The following SULF1 variants were observed in gnomAD, a reference collection of about 807,000 sequenced individuals.
SULF1 encodes extracellular sulfatase Sulf-1.
In SULF1, 46 loss-of-function variants were observed where a neutral mutation model predicts 110.5. The observed-to-expected ratio is 0.42, with a 90% CI of 0.33 to 0.53. The LOEUF (loss-of-function observed/expected upper bound fraction) is 0.53, where lower values mean the gene tolerates loss of function less well. Ranked by LOEUF, SULF1 falls within the 20% of genes least tolerant of loss-of-function variation. SULF1 has a pLI of 0.12. For missense variants in SULF1, 941 were observed against 1,094.2 expected, an observed-to-expected ratio of 0.86 and a Z score of 1.98; for synonymous variants, 371 against 387.1, an observed-to-expected ratio of 0.96 and a Z score of 0.49.
intron 3 of SULF1, among the ~76,000 whole-genome samples, chr8:69,519,130 G>A (rs1318220682): frequency 6.6e-6 from 1 of 152,108 alleles, no homozygotes; most frequent in East Asian, 1.9e-4. Context: ...ATGGCAGGAG[G>A]ACCAGTCTGG....
rs969544518 is a variant in SULF1 at position 69,493,030 on chromosome 8, G to C, written c.-486G>C. The C allele has an allele frequency of 6.6e-6, 1 of 152,618 alleles. No homozygotes were observed. The highest frequency in any genetic ancestry group is 6.5e-5 in the Admixed American group (1 of 15,284). The allele number at this position is 152,618 out of a possible 1,614,324, so 9.5% of individuals were successfully genotyped here. A position where few individuals can be genotyped will look rare whatever the true frequency, so the allele number is the denominator to read the frequency against. Reference sequence around the variant, plus strand: ...GGAACATGACTCTCCCCCTTCGGAGGAGGAAGGAAGTCCCGCTGCCACCTT... The same window carrying C: ...GGAACATGACTCTCCCCCTTCGGAGCAGGAAGGAAGTCCCGCTGCCACCTT... On this transcript the variant is annotated 5_prime_UTR_variant, in exon 1 of 23. Transcript: ENST00000402687.
intron 13 of SULF1, among the ~76,000 whole-genome samples, chr8:69,616,709 T>G (rs1433147397): frequency 4.7e-5 from 7 of 150,150 alleles, no homozygotes; most frequent in Non-Finnish European, 7.4e-5. Context: ...GCCGTTTTTT[T>G]TTTTTTTTTT....
chr8:69,630,275 C>T (rs893795158), intron 19 of SULF1, among the ~76,000 whole-genome samples: 1 of 152,190 alleles, frequency 6.6e-6, no homozygotes, highest in Non-Finnish European at 1.5e-5. Flanking sequence ...TCTTTAGTGG[C>T]CTGTGCACAT....
At chr8:69,561,137 C>CA (rs1176879140) in intron 3 of SULF1, among the ~76,000 whole-genome samples, 3 of 151,442 alleles carry the variant, frequency 2.0e-5, no homozygotes, top group Non-Finnish European at 4.4e-5. Context: ...GTTATCACTA[C>CA]AAAAAAAATG....
rs115896801 is a variant in SULF1 at position 69,555,089 on chromosome 8, A to G, written c.-133-8450A>G. On this transcript the variant is annotated intron_variant, in intron 3 of 22. Transcript: ENST00000402687. ...GCAAAGGCATTGGCTTTAATAGGAT[A>G]TTTGATTTTTTTAAGGTTCTCCTGT... Among the ~76,000 whole-genome samples the G allele has an allele frequency of 8.5e-4, 128 of 150,106 alleles. 1 individual carries two copies. The highest frequency in any genetic ancestry group is 3.4e-3 in the Middle Eastern group (1 of 290).
In SULF1 at chr8:69,510,620, G is replaced by T. The variant is rs200562928; in HGVS notation, c.-134+8652G>T. On this transcript the variant is annotated intron_variant, in intron 3 of 22. Coordinates refer to ENST00000402687, the MANE Select transcript of SULF1 (RefSeq NM_001128205.2). ...TGGGTTTTTTGGTGGGTTTTTTTTT[G>T]TTTTTTTTTTTTTTGAGACAAAGTC... Among the ~76,000 whole-genome samples, 924 of 131,070 alleles carry T rather than the reference G, an allele frequency of 7.0e-3. 11 individuals carry two copies. Among genetic ancestry groups the T allele is most frequent in the Admixed American group, 0.043 (569 of 13,264 alleles). 86.0% of individuals were successfully genotyped at this position (131,070 alleles called of 152,430 possible).
chr8:69,587,975 G>A (rs943746318), intron 7 of SULF1, among the ~76,000 whole-genome samples: 6 of 152,122 alleles, frequency 3.9e-5, no homozygotes, highest in South Asian at 2.1e-4. Context: ...AATGACATGC[G>A]GCACACACCA....
At chr8:69,629,308 A>G (rs1012459883) in intron 18 of SULF1, among the ~76,000 whole-genome samples, 196 bp from the exon 19 acceptor site, 1 of 152,174 alleles carries the variant, frequency 6.6e-6, no homozygotes, top group African/African-American at 2.4e-5. Flanking sequence ...TGCTGGGATT[A>G]CAGGTGCAAG....
intron 21 of SULF1, among the ~76,000 whole-genome samples, chr8:69,639,733 G>C (rs12155545): frequency 0.041 from 6,266 of 152,272 alleles, 203 homozygotes; most frequent in South Asian, 0.14. Flanking sequence ...TGTGAGTCTG[G>C]TGCAGAGCCA....
chr8:69,571,272 C>T (rs1417148924), intron 5 of SULF1, among the ~76,000 whole-genome samples: 2 of 152,132 alleles, frequency 1.3e-5, no homozygotes, highest in Non-Finnish European at 2.9e-5. Context: ...ACAGCCACCT[C>T]GGCACACTCC....
chr8:69,552,917 T>A (rs1008131594), intron 3 of SULF1, among the ~76,000 whole-genome samples: 2 of 152,188 alleles, frequency 1.3e-5, no homozygotes, highest in Admixed American at 1.3e-4. Context: ...AAGGGAGAAT[T>A]TCCTAATCTT....
At chr8:69,541,259 C>A (rs1813834457) in intron 3 of SULF1, among the ~76,000 whole-genome samples, 1 of 152,160 alleles carries the variant, frequency 6.6e-6, no homozygotes. Context: ...TGGAATGGCC[C>A]TGCTTGTGAG....
At chr8:69,547,807 G>A (rs1361305786) in intron 3 of SULF1, among the ~76,000 whole-genome samples, 1 of 152,088 alleles carries the variant, frequency 6.6e-6, no homozygotes, top group East Asian at 1.9e-4. Flanking sequence ...GCCTTATACA[G>A]GTGCTCAACA....
intron 13 of SULF1, among the ~76,000 whole-genome samples, chr8:69,612,181 T>C (rs1224190459): frequency 6.6e-6 from 1 of 152,206 alleles, no homozygotes; most frequent in African/African-American, 2.4e-5. Flanking sequence ...ACACATTATT[T>C]TGTTCCTTTT....
chr8:69,557,266 A>T (rs1298226896), intron 3 of SULF1, among the ~76,000 whole-genome samples: 1 of 152,184 alleles, frequency 6.6e-6, no homozygotes, highest in Admixed American at 6.5e-5. Flanking sequence ...GTCACCAATG[A>T]CCATTATTAG....
chr8:69,652,734 T>C (rs770086908), intron 22 of SULF1, among the ~76,000 whole-genome samples: 3 of 152,220 alleles, frequency 2.0e-5, no homozygotes, highest in Non-Finnish European at 2.9e-5. Flanking sequence ...CCTTCAAAGG[T>C]GGCCAACTGC....
At chr8:69,519,103 C>G (rs969475843) in intron 3 of SULF1, among the ~76,000 whole-genome samples, 1 of 152,102 alleles carries the variant, frequency 6.6e-6, no homozygotes. Flanking sequence ...GTCATTTGTC[C>G]AGTTTTCTGG....
At chr8:69,609,295 G>A (rs1233357813) in intron 13 of SULF1, among the ~76,000 whole-genome samples, 5 of 152,214 alleles carry the variant, frequency 3.3e-5, no homozygotes, top group East Asian at 1.9e-4. Flanking sequence ...GCAGTGAGCC[G>A]TGATCGTGCC....
chr8:69,644,726 A>C lies in SULF1; in HGVS notation c.2585+3885A>C, dbSNP rs555472245. On this transcript the variant is annotated intron_variant, in intron 22 of 22. Coordinates refer to ENST00000402687, the MANE Select transcript of SULF1 (RefSeq NM_001128205.2). Reference sequence around the variant, plus strand: ...CAGTGAGCCGAGATCACGCCACTGGACTCCTGCCTGAGTGACAGAGGGAGA... The same window carrying C: ...CAGTGAGCCGAGATCACGCCACTGGCCTCCTGCCTGAGTGACAGAGGGAGA... Among the ~76,000 whole-genome samples, 42 of 148,812 alleles carry C rather than the reference A, an allele frequency of 2.8e-4. No individual in the cohort carries two copies. In the South Asian group the frequency reaches 8.1e-3, roughly 29 times the overall value.
Sources: allele counts gnomAD v4.1 joint callset (sites outside exome capture counted in the v4.1 genomes callset), GRCh38; gene constraint gnomAD v4.1.1; transcripts MANE v1.5; gene names NCBI Gene and HGNC (gene_info 2026-07-23, HGNC 2026-07-21).